The following AAMDC variants were observed in gnomAD, a reference collection of about 807,000 sequenced individuals.
AAMDC encodes the protein mth938 domain-containing protein.
A neutral mutation model predicts 15.5 loss-of-function variants in AAMDC; 16 were observed. The ratio of observed to expected loss-of-function variants is 1.03; its 90% CI spans 0.70 to 1.57. The LOEUF (loss-of-function observed/expected upper bound fraction) is 1.57, where lower values mean the gene tolerates loss of function less well. Ranked by LOEUF, AAMDC falls within the 40% of genes most tolerant of loss-of-function variation. AAMDC has a pLI of 0.00. For missense variants in AAMDC, 141 were observed against 144.9 expected, an observed-to-expected ratio of 0.97 and a Z score of 0.14; for synonymous variants, 51 against 51.6, an observed-to-expected ratio of 0.99 and a Z score of 0.05.
chr11:77,879,161 A>C, intron 5 of AAMDC: 1 of 1,608,920 alleles, frequency 6.2e-7, no homozygotes, highest in Non-Finnish European at 8.5e-7. Flanking sequence ...CTCTATAACT[A>C]GGCAACTGCT....
At chr11:77,848,481 C>T (rs1950235615) in intron 2 of AAMDC, among the ~76,000 whole-genome samples, 1 of 151,916 alleles carries the variant, frequency 6.6e-6, no homozygotes, top group African/African-American at 2.4e-5. Flanking sequence ...CCTCAGCCTC[C>T]CGAGTAGCTG....
intron 2 of AAMDC, among the ~76,000 whole-genome samples, chr11:77,856,422 A>G (rs912784476): frequency 3.9e-5 from 6 of 152,118 alleles, no homozygotes; most frequent in Admixed American, 1.3e-4. Flanking sequence ...CCCTCTGCCC[A>G]TTACCTAGTT....
chr11:77,861,759 G>A (rs1024051992), intron 2 of AAMDC, among the ~76,000 whole-genome samples: 2 of 152,134 alleles, frequency 1.3e-5, no homozygotes, highest in Non-Finnish European at 2.9e-5. Context: ...TCCAAAGTCC[G>A]CTTGCCTGAA....
chr11:77,829,433 T>C (rs751995798), intron 1 of AAMDC, among the ~76,000 whole-genome samples: 26 of 152,222 alleles, frequency 1.7e-4, no homozygotes, highest in Non-Finnish European at 3.4e-4. Context: ...TGGAACAGAA[T>C]GGAGACTCAC....
chr11:77,894,213 A>G, intron 5 of AAMDC: 1 of 729,824 alleles, frequency 1.4e-6, no homozygotes, highest in Non-Finnish European at 2.4e-6. Flanking sequence ...GTGATTTGTG[A>G]TTGTTCCTAT....
chr11:77,821,923 A>G (rs907722281), intron 1 of AAMDC, among the ~76,000 whole-genome samples: 1 of 152,030 alleles, frequency 6.6e-6, no homozygotes, highest in Admixed American at 6.6e-5. Context: ...AACTCCTTAG[A>G]GTGGGGTGAT....
At position 77,828,988 on chromosome 11, in the gene AAMDC, C is replaced by T. The variant is rs531647763; in HGVS notation, c.-19+7747C>T. Among the ~76,000 whole-genome samples, 57 of 152,278 alleles carry T rather than the reference C, an allele frequency of 3.7e-4. 1 individual carries two copies. Among genetic ancestry groups the T allele is most frequent in the Admixed American group, 1.4e-3 (22 of 15,294 alleles). ...GGCTTCCAAAGTTACTACACAGCTACGGTAATCAAGATTGTGTGTAGTAAT... is the reference window on the plus strand; with the variant it reads ...GGCTTCCAAAGTTACTACACAGCTATGGTAATCAAGATTGTGTGTAGTAAT... On this transcript the variant is annotated intron_variant, in intron 1 of 3. Coordinates refer to ENST00000393427, the MANE Select transcript of AAMDC (RefSeq NM_024684.4).
chr11:77,836,250 T>A (rs982268869), intron 1 of AAMDC, among the ~76,000 whole-genome samples: 6 of 151,934 alleles, frequency 3.9e-5, no homozygotes, highest in Admixed American at 3.9e-4. Flanking sequence ...ACCAACTTCA[T>A]ACATTGAAGC....
At chr11:77,898,698 G>C (rs898994813) in intron 5 of AAMDC, among the ~76,000 whole-genome samples, 2 of 152,172 alleles carry the variant, frequency 1.3e-5, no homozygotes, top group East Asian at 3.8e-4. Flanking sequence ...TATAATGGAT[G>C]TGACAGACAC....
chr11:77,891,931 G>C (rs1952287787), intron 5 of AAMDC: 1 of 1,579,294 alleles, frequency 6.3e-7, no homozygotes, highest in Non-Finnish European at 8.6e-7. Context: ...CCCTGAAGTA[G>C]GAAGAATGAT....
At position 77,823,621 on chromosome 11, in the gene AAMDC, C is replaced by CAAA. The variant is rs397970373; in HGVS notation, c.-19+2399_-19+2401dup. ...TGGGCGACAGAACTACACCCTGTCT[C>CAAA]AAAAAAAAAAAAAAAAAAAAAGAAT... On this transcript the variant is annotated intron_variant, in intron 1 of 3. Coordinates refer to ENST00000393427, the MANE Select transcript of AAMDC (RefSeq NM_024684.4). 5.7e-3 allele frequency among the ~76,000 whole-genome samples: 558 copies of CAAA among 97,130 alleles called. 11 individuals are homozygous for CAAA. The highest frequency in any genetic ancestry group is 0.011 in the African/African-American group (276 of 24,456). 63.7% of individuals were successfully genotyped at this position (97,130 alleles called of 152,430 possible).
At chr11:77,856,231 T>C (rs914613775) in intron 2 of AAMDC, among the ~76,000 whole-genome samples, 19 of 152,230 alleles carry the variant, frequency 1.2e-4, no homozygotes, top group African/African-American at 4.6e-4. Flanking sequence ...TGCTAAAGCA[T>C]AGCACAAGTA....
intron 5 of AAMDC, among the ~76,000 whole-genome samples, chr11:77,886,941 T>A (rs1043663838): frequency 4.6e-5 from 7 of 151,420 alleles, no homozygotes; most frequent in African/African-American, 1.7e-4. Context: ...TGGGACACAT[T>A]CAAAGCAGTG....
intron 2 of AAMDC, among the ~76,000 whole-genome samples, chr11:77,861,842 A>G (rs551122496): frequency 5.0e-4 from 76 of 152,030 alleles, no homozygotes; most frequent in Non-Finnish European, 9.9e-4. Context: ...GATCTCTATT[A>G]CAAAAAACCA....
chr11:77,821,592 A>G (rs370624955), intron 1 of AAMDC, among the ~76,000 whole-genome samples: 3 of 152,148 alleles, frequency 2.0e-5, no homozygotes, highest in African/African-American at 7.2e-5. Flanking sequence ...CTAGGGGGCC[A>G]TGGTGTGAGG....
intron 2 of AAMDC, among the ~76,000 whole-genome samples, chr11:77,851,805 T>C (rs1950396125): frequency 6.6e-6 from 1 of 152,188 alleles, no homozygotes; most frequent in Non-Finnish European, 1.5e-5. Context: ...TTGTACAGCC[T>C]GCAGAACTGT....
chr11:77,894,149 G>C (rs1307229987), intron 5 of AAMDC: 3 of 520,206 alleles, frequency 5.8e-6, no homozygotes, highest in Non-Finnish European at 6.9e-6. Context: ...CTAATTTAAG[G>C]TTAACGACAT....
chr11:77,872,153 C>A, intron 3 of AAMDC, 22 bp from the exon 4 acceptor site: 1 of 1,606,848 alleles, frequency 6.2e-7, no homozygotes, highest in South Asian at 1.1e-5. Context: ...CCTACTTACT[C>A]ATCTCTTTTC....
chr11:77,869,702 C>T lies in AAMDC; in HGVS notation c.133-20C>T. On this transcript the variant is annotated intron_variant, in intron 2 of 3. Transcript: ENST00000393427. ...AAGATTGAGAGCAGGTACCTGTCTA[C>T]TTTCTCTTTCCACATCCAGCATTCT... is the stretch of plus-strand genomic sequence containing the variant. 3 of 1,611,478 alleles carry T rather than the reference C, an allele frequency of 1.9e-6. No individual in the cohort carries two copies. The highest frequency in any genetic ancestry group is 2.5e-6 in the Non-Finnish European group (3 of 1,177,872).
Sources: gnomAD v4.1 joint callset for allele counts (sites outside exome capture counted in the v4.1 genomes callset) on GRCh38, gnomAD v4.1.1 for gene constraint, MANE v1.5 for transcripts, NCBI Gene and HGNC (gene_info 2026-07-23, HGNC 2026-07-21) for gene names.